The following PRKN variants were observed in gnomAD, a reference collection of about 807,000 sequenced individuals.
PRKN encodes E3 ubiquitin-protein ligase parkin.
PRKN carries 56 observed loss-of-function variants against 59.5 expected under a neutral mutation model. The ratio of observed to expected loss-of-function variants is 0.94; its 90% CI spans 0.76 to 1.18. PRKN has a LOEUF of 1.18. Ranked by LOEUF, PRKN falls within the 50% of genes most tolerant of loss-of-function variation. The probability of loss-of-function intolerance (pLI) is 0.00; values close to 1 mark genes in which losing one functional copy is unlikely to be tolerated. For synonymous variants in PRKN, 250 were observed against 222.1 expected, an observed-to-expected ratio of 1.13 and a Z score of -1.12; for missense variants, 657 against 596.4, an observed-to-expected ratio of 1.10 and a Z score of -1.06.
chr6:161,939,091 A>G (rs1399919453), intron 6 of PRKN, among the ~76,000 whole-genome samples: 2 of 152,326 alleles, frequency 1.3e-5, no homozygotes, highest in African/African-American at 4.8e-5. Flanking sequence ...ATATCAACCA[A>G]CTTCAATCCA....
At chr6:162,059,321 C>T (rs1447884151) in intron 4 of PRKN, among the ~76,000 whole-genome samples, 1 of 45,404 alleles carries the variant, frequency 2.2e-5, no homozygotes, top group Non-Finnish European at 3.8e-5. Context: ...GACTTTAACA[C>T]AGTAAAATAG....
chr6:161,665,754 C>T (rs771989274), intron 7 of PRKN, among the ~76,000 whole-genome samples: 3 of 152,214 alleles, frequency 2.0e-5, no homozygotes, highest in Admixed American at 2.0e-4. Flanking sequence ...AATAACAAAA[C>T]ACGTCATCGG....
rs1779041413 is a variant in PRKN at position 161,527,029 on chromosome 6, G to A, written c.1083+21825C>T. On this transcript the variant is annotated intron_variant, in intron 9 of 11. Transcript: ENST00000366898. This position sits in a 1 kb window ranked among gnomAD's most constrained non-coding sequence, Gnocchi z 4.6. ...ATAGAAAGCCTCAGGAGTAGTAAAAGTTGTTTCAGTGCATCTCTCAGAAGA... is the reference window on the plus strand; with the variant it reads ...ATAGAAAGCCTCAGGAGTAGTAAAAATTGTTTCAGTGCATCTCTCAGAAGA... Among the ~76,000 whole-genome samples, 2 of 152,166 alleles carry A rather than the reference G, an allele frequency of 1.3e-5. No homozygotes were observed. The highest frequency in any genetic ancestry group is 6.5e-5 in the Admixed American group (1 of 15,284).
At chr6:162,161,433 C>T (rs1782753053) in intron 4 of PRKN, among the ~76,000 whole-genome samples, 1 of 152,166 alleles carries the variant, frequency 6.6e-6, no homozygotes, top group African/African-American at 2.4e-5. Flanking sequence ...CAGTTACCTG[C>T]AGTAAATTGC....
intron 9 of PRKN, among the ~76,000 whole-genome samples, chr6:161,523,796 C>A (rs558197795): frequency 6.6e-6 from 1 of 152,248 alleles, no homozygotes; most frequent in East Asian, 1.9e-4. Flanking sequence ...CTCCTCTTCT[C>A]CCTCCTGTTA....
intron 7 of PRKN, among the ~76,000 whole-genome samples, chr6:161,732,169 C>A (rs908055194): frequency 6.6e-6 from 1 of 151,744 alleles, no homozygotes; most frequent in Non-Finnish European, 1.5e-5. Flanking sequence ...ACGCTGGAAC[C>A]TCCGCCTCCT....
At chr6:162,214,737 T>C (rs939383309) in intron 3 of PRKN, among the ~76,000 whole-genome samples, 1 of 152,186 alleles carries the variant, frequency 6.6e-6, no homozygotes, top group Non-Finnish European at 1.5e-5. Flanking sequence ...GATAGAAAGA[T>C]AGATCCCTAA....
chr6:162,472,704 G>A (rs1791817841), intron 1 of PRKN, among the ~76,000 whole-genome samples: 1 of 123,788 alleles, frequency 8.1e-6, no homozygotes, highest in African/African-American at 2.9e-5. Flanking sequence ...TGTTAGCCAG[G>A]ATGGTCTCGA....
At chr6:161,866,817 A>G (rs1400365729) in intron 6 of PRKN, among the ~76,000 whole-genome samples, 1 of 152,192 alleles carries the variant, frequency 6.6e-6, no homozygotes, top group East Asian at 1.9e-4. Context: ...GGGTAAGGAC[A>G]GGGAGGAGCT....
chr6:162,639,667 A>G (rs569527001), intron 1 of PRKN, among the ~76,000 whole-genome samples: 35 of 123,390 alleles, frequency 2.8e-4, no homozygotes, highest in South Asian at 5.4e-4. Flanking sequence ...CTGAACGGAA[A>G]AACACTCAGT....
intron 4 of PRKN, among the ~76,000 whole-genome samples, chr6:162,184,204 C>G (rs1324487087): frequency 6.6e-6 from 1 of 152,160 alleles, no homozygotes; most frequent in African/African-American, 2.4e-5. Flanking sequence ...TTTAATCAAT[C>G]AAATCCAATA....
chr6:161,664,395 G>A (rs1277207882), intron 7 of PRKN, among the ~76,000 whole-genome samples: 1 of 152,166 alleles, frequency 6.6e-6, no homozygotes, highest in Non-Finnish European at 1.5e-5. Flanking sequence ...AGGGTAAAGT[G>A]GTTCTGTTCA....
chr6:161,786,085 A>C (rs1273812472), intron 6 of PRKN, among the ~76,000 whole-genome samples, 177 bp from the exon 7 acceptor site: 2 of 152,208 alleles, frequency 1.3e-5, no homozygotes, highest in East Asian at 3.9e-4. Flanking sequence ...AATTGGAGGC[A>C]CTCAATGAAC....
chr6:162,052,768 T>C (rs1428210841), intron 5 of PRKN, among the ~76,000 whole-genome samples: 4 of 151,192 alleles, frequency 2.6e-5, no homozygotes, highest in African/African-American at 9.7e-5. Context: ...ATACATAGAA[T>C]GTTGACCCTA....
At chr6:161,479,067 C>T (rs1791262757) in intron 9 of PRKN, among the ~76,000 whole-genome samples, 1 of 152,020 alleles carries the variant, frequency 6.6e-6, no homozygotes, top group Non-Finnish European at 1.5e-5. Context: ...TATAGATGTG[C>T]AGAAAATTTC....
chr6:161,977,295 C>A (rs961197161), intron 5 of PRKN, among the ~76,000 whole-genome samples: 2 of 152,122 alleles, frequency 1.3e-5, no homozygotes, highest in African/African-American at 4.8e-5. Flanking sequence ...TCATATTACA[C>A]CAGTTCCCCT....
At chr6:162,484,924 G>C (rs896526912) in intron 1 of PRKN, among the ~76,000 whole-genome samples, 6 of 152,052 alleles carry the variant, frequency 3.9e-5, no homozygotes, top group Admixed American at 2.6e-4. Context: ...ATTTTCCCTA[G>C]AGGAACTCTA....
At chr6:162,124,943 G>A (rs1160515718) in intron 4 of PRKN, among the ~76,000 whole-genome samples, 5 of 152,146 alleles carry the variant, frequency 3.3e-5, no homozygotes, top group African/African-American at 1.2e-4. Context: ...TGTCAAAGAA[G>A]TCAGGGAAGT....
intron 1 of PRKN, among the ~76,000 whole-genome samples, chr6:162,661,376 T>C (rs905769364): frequency 6.6e-5 from 10 of 152,188 alleles, no homozygotes; most frequent in African/African-American, 2.4e-4. Flanking sequence ...AAAATTCTAA[T>C]GCCTAAAATG....
Sources: gnomAD v4.1 joint callset for allele counts (sites outside exome capture counted in the v4.1 genomes callset) on GRCh38, gnomAD v4.1.1 for gene constraint, Gnocchi (gnomAD v3.1) non-coding constraint, MANE v1.5 for transcripts, NCBI Gene and HGNC (gene_info 2026-07-23, HGNC 2026-07-21) for gene names.